PRLR: variants seen among roughly 807,000 people sequenced by gnomAD.
The protein encoded by PRLR is hPRL receptor.
PRLR carries 13 observed loss-of-function variants against 40.2 expected under a neutral mutation model. That is an observed-to-expected ratio of 0.32 (90% CI 0.21 to 0.51). The LOEUF (loss-of-function observed/expected upper bound fraction) is 0.51, where lower values mean the gene tolerates loss of function less well. Among genes scored for constraint, PRLR ranks in the 20% least tolerant of loss-of-function variants. PRLR has a pLI of 0.97. For missense variants in PRLR, 656 were observed against 747.3 expected (o/e 0.88, Z 1.42); for synonymous variants, 269 against 278.7 (o/e 0.97, Z 0.35).
At chr5:35,154,049 G>A (rs776658770) in intron 1 of PRLR, among the ~76,000 whole-genome samples, 4 of 152,166 alleles carry the variant, frequency 2.6e-5, no homozygotes, top group African/African-American at 4.8e-5. Flanking sequence ...CAGAGGATAC[G>A]TCAACACCTT....
chr5:35,175,932 G>T lies in PRLR; in HGVS notation c.-106+54336C>A, dbSNP rs567712436. On this transcript the variant is annotated intron_variant, in intron 1 of 9. Transcript: ENST00000618457. ...GTCACCTGAAATCCCACTAAACAGG[G>T]ACAGCTATTGTTAACATTTGGTGGT... 2.0e-5 allele frequency among the ~76,000 whole-genome samples: 3 copies of T among 152,196 alleles called. No individual in the cohort carries two copies. In the South Asian group the frequency reaches 6.2e-4, roughly 32 times the overall value.
chr5:35,153,548 T>C (rs562669053), intron 1 of PRLR, among the ~76,000 whole-genome samples: 1 of 152,260 alleles, frequency 6.6e-6, no homozygotes, highest in South Asian at 2.1e-4. Context: ...AAATGATTGG[T>C]ATTATATAAC....
At chr5:35,173,295 T>G (rs1775053670) in intron 1 of PRLR, among the ~76,000 whole-genome samples, 1 of 152,182 alleles carries the variant, frequency 6.6e-6, no homozygotes, top group African/African-American at 2.4e-5. Context: ...CCTCTTACAA[T>G]TTAGAAAAGC....
intron 2 of PRLR, among the ~76,000 whole-genome samples, chr5:35,109,805 G>T (rs987623969): frequency 6.6e-6 from 1 of 152,180 alleles, no homozygotes; most frequent in African/African-American, 2.4e-5. Flanking sequence ...GGAAGACAGC[G>T]TGGCGATTCC....
At position 35,084,476 on chromosome 5, in the gene PRLR, A is replaced by G. The variant is rs778077728; in HGVS notation, c.367T>C (p.Tyr123His). ...CCACTTTCCTTCCCCTTACCTATGTAAGTCACGTCCACATAAAGTTCATCC... is the reference window on the plus strand; with the variant it reads ...CCACTTTCCTTCCCCTTACCTATGTGAGTCACGTCCACATAAAGTTCATCC... ...FSDELYVDVT[Y>H]IVQPDPPLEL... is the part of the protein sequence containing the mutation. The change falls in exon 5 of 10, where the codon TAC becomes CAC. Residue 123 changes from tyrosine (Y) to histidine (H), a missense_variant. By Grantham distance (83) the Tyr-to-His change is moderately conservative. Around this residue, in one of 3 missense-constraint regions of PRLR, gnomAD observed 180 missense variants for 236.8 expected, o/e 0.76. Transcript: ENST00000618457. 1.3e-6 allele frequency: 2 copies of G among 1,565,990 alleles called. No homozygotes were observed. The highest frequency in any genetic ancestry group is 1.4e-5 in the African/African-American group (1 of 71,788).
downstream of PRLR, among the ~76,000 whole-genome samples, chr5:35,051,271 T>C (rs1208744982): frequency 6.6e-6 from 1 of 152,236 alleles, no homozygotes; most frequent in Non-Finnish European, 1.5e-5. Flanking sequence ...CATACAGTGT[T>C]CAAGTATTAT....
At chr5:35,135,853 C>T (rs1009415080) in intron 1 of PRLR, among the ~76,000 whole-genome samples, 1 of 152,194 alleles carries the variant, frequency 6.6e-6, no homozygotes, top group African/African-American at 2.4e-5. Context: ...GGGGACCTGA[C>T]CAGAACCCAG....
At chr5:35,071,179 CAAGTCTGGT>C (rs1769725300) in intron 6 of PRLR, among the ~76,000 whole-genome samples, 1 of 152,124 alleles carries the variant, frequency 6.6e-6, no homozygotes, top group Admixed American at 6.5e-5. Context: ...TACATCTAAT[CAAGTCTGGT>C]TACAGGAAAT....
chr5:35,170,238 G>C (rs1007286158), intron 1 of PRLR, among the ~76,000 whole-genome samples: 2 of 152,172 alleles, frequency 1.3e-5, no homozygotes, highest in Non-Finnish European at 2.9e-5. Flanking sequence ...ATTTGAGTCT[G>C]AGGAAAATAA....
At chr5:35,201,192 C>T (rs554193525) in intron 1 of PRLR, among the ~76,000 whole-genome samples, 2 of 152,294 alleles carry the variant, frequency 1.3e-5, no homozygotes, top group South Asian at 2.1e-4. Context: ...ATGGTATATG[C>T]ACTGGTTCTA....
At chr5:35,160,715 C>T (rs1561340849) in intron 1 of PRLR, among the ~76,000 whole-genome samples, 1 of 152,190 alleles carries the variant, frequency 6.6e-6, no homozygotes. Flanking sequence ...TCCACTTGTA[C>T]CAGATGGCTT....
intron 1 of PRLR, among the ~76,000 whole-genome samples, chr5:35,212,040 A>C (rs1057368038): frequency 6.6e-6 from 1 of 152,208 alleles, no homozygotes; most frequent in Non-Finnish European, 1.5e-5. Context: ...AATATTTACT[A>C]TCTGGCTCTT....
intron 1 of PRLR, chr5:35,135,470 G>A (rs1173198512): frequency 1.3e-5 from 2 of 152,384 alleles, no homozygotes; most frequent in Non-Finnish European, 2.9e-5. Flanking sequence ...GGGTTTTATT[G>A]ATCTGTTTTG....
chr5:35,207,256 T>C (rs1039925395), intron 1 of PRLR, among the ~76,000 whole-genome samples: 7 of 152,088 alleles, frequency 4.6e-5, no homozygotes, highest in Non-Finnish European at 8.8e-5. Context: ...GACACCATGA[T>C]TATAAACTTT....
intron 1 of PRLR, among the ~76,000 whole-genome samples, chr5:35,213,532 T>C (rs1208395828): frequency 6.6e-6 from 1 of 152,236 alleles, no homozygotes; most frequent in Non-Finnish European, 1.5e-5. Flanking sequence ...AATTTCATTA[T>C]TAAATTCTTA....
chr5:35,159,295 T>C, intron 1 of PRLR, among the ~76,000 whole-genome samples: 1 of 146,202 alleles, frequency 6.8e-6, no homozygotes, highest in Non-Finnish European at 1.5e-5. Flanking sequence ...TCCTTTTCCT[T>C]CTAAGGGTAC....
intron 1 of PRLR, among the ~76,000 whole-genome samples, chr5:35,200,420 A>G (rs991599166): frequency 6.6e-6 from 1 of 152,194 alleles, no homozygotes; most frequent in African/African-American, 2.4e-5. Context: ...GACTCAATCT[A>G]CCTGGTTTGT....
chr5:35,225,034 T>C (rs1776516658), intron 1 of PRLR, among the ~76,000 whole-genome samples: 1 of 152,192 alleles, frequency 6.6e-6, no homozygotes, highest in African/African-American at 2.4e-5. Flanking sequence ...AAACATTTAT[T>C]ACTGCATGAG....
chr5:35,192,278 T>G (rs771761380), intron 1 of PRLR, among the ~76,000 whole-genome samples: 1 of 152,226 alleles, frequency 6.6e-6, no homozygotes, highest in Non-Finnish European at 1.5e-5. Context: ...CTCTATGCTC[T>G]GTCATGAGCA....
Sources: gnomAD v4.1 joint callset for allele counts (sites outside exome capture counted in the v4.1 genomes callset) on GRCh38, gnomAD v4.1.1 for gene constraint, gnomAD v4.1.1 regional missense constraint, MANE v1.5 for transcripts, NCBI Gene and HGNC (gene_info 2026-07-23, HGNC 2026-07-21) for gene names.